The following CDH20 variants were observed in gnomAD, a reference collection of about 807,000 sequenced individuals.
CDH20 encodes the protein cadherin-20.
CDH20 carries 29 observed loss-of-function variants against 74.2 expected under a neutral mutation model. The observed-to-expected ratio is 0.39, with a 90% CI of 0.29 to 0.53. CDH20 has a LOEUF of 0.53. CDH20 is among the 20% of genes least tolerant of loss of function. The pLI, the probability that CDH20 is intolerant of heterozygous loss-of-function variation, is 0.69. For missense variants in CDH20, 988 were observed against 1,048.3 expected (o/e 0.94, Z 0.79); for synonymous variants, 469 against 405.4 (o/e 1.16, Z -1.88).
chr18:61,453,586 C>T (rs1256311295), intron 1 of CDH20, among the ~76,000 whole-genome samples: 1 of 152,154 alleles, frequency 6.6e-6, no homozygotes, highest in Non-Finnish European at 1.5e-5. Context: ...GCCGATCTAA[C>T]CTTTTCATAT....
chr18:61,400,549 C>T (rs1156709367), intron 1 of CDH20, among the ~76,000 whole-genome samples: 6 of 152,168 alleles, frequency 3.9e-5, no homozygotes, highest in South Asian at 2.1e-4. Flanking sequence ...GGAAATCCTG[C>T]TACCACAGTG....
intron 1 of CDH20, among the ~76,000 whole-genome samples, chr18:61,378,975 C>T (rs1191950147): frequency 6.6e-6 from 1 of 151,650 alleles, no homozygotes; most frequent in East Asian, 1.9e-4. Flanking sequence ...GCCTTTTTCT[C>T]CCCTCTCGGT....
chr18:61,555,134 C>T lies in CDH20; in HGVS notation c.*439C>T, dbSNP rs897829762. On this transcript the variant is annotated 3_prime_UTR_variant, in exon 12 of 12. Coordinates refer to ENST00000262717, the MANE Select transcript of CDH20 (RefSeq NM_031891.4). ...TCTTATTCTCCATTTAAGAGTTTTG[C>T]TGGCTCAAACCACAGAAACCAACCC... 13 of 996,360 alleles carry T rather than the reference C, an allele frequency of 1.3e-5. No individual in the cohort carries two copies. The highest frequency in any genetic ancestry group is 1.1e-4 in the Admixed American group (2 of 17,536). The allele number at this position is 996,360 out of a possible 1,614,324, so 61.7% of individuals were successfully genotyped here.
chr18:61,427,944 T>C (rs1599077933), intron 1 of CDH20, among the ~76,000 whole-genome samples: 1 of 152,210 alleles, frequency 6.6e-6, no homozygotes, highest in South Asian at 2.1e-4. Context: ...TACAAGCATT[T>C]GCTGAGCACA....
chr18:61,545,770 A>G (rs2077139), intron 10 of CDH20, among the ~76,000 whole-genome samples: 3,770 of 152,348 alleles, frequency 0.025, 165 homozygotes, highest in African/African-American at 0.086. Context: ...GAGCAAATAC[A>G]GGACCATAAA....
rs1000673860 is a variant in CDH20, at chr18:61,353,165, G to A, written c.-153+19338G>A. ...GTCTGATACATCAGTTTCTAACTTA[G>A]AAACATTCATTTAATTGTCTACATA... is the stretch of plus-strand genomic sequence containing the variant. On this transcript the variant is annotated intron_variant, in intron 1 of 11. Coordinates refer to ENST00000262717, the MANE Select transcript of CDH20 (RefSeq NM_031891.4). The surrounding 1 kb of genome is among the most constrained non-coding windows in gnomAD (Gnocchi z 4.6). Among the ~76,000 whole-genome samples the A allele has an allele frequency of 6.6e-6, 1 of 152,158 alleles. No homozygotes were observed. The highest frequency in any genetic ancestry group is 2.4e-5 in the African/African-American group (1 of 41,438).
intron 1 of CDH20, among the ~76,000 whole-genome samples, chr18:61,366,178 A>G (rs1454754515): frequency 6.6e-6 from 1 of 152,150 alleles, no homozygotes; most frequent in Non-Finnish European, 1.5e-5. Context: ...CTTATCCTAC[A>G]TATTATTCAT....
intron 1 of CDH20, among the ~76,000 whole-genome samples, chr18:61,428,273 T>C (rs1913139574): frequency 6.6e-6 from 1 of 152,188 alleles, no homozygotes; most frequent in Non-Finnish European, 1.5e-5. Context: ...CCTCGGGCTC[T>C]GTTTTTACCC....
intron 1 of CDH20, among the ~76,000 whole-genome samples, chr18:61,473,764 A>T (rs1356403706): frequency 6.6e-6 from 1 of 152,182 alleles, no homozygotes; most frequent in African/African-American, 2.4e-5. Context: ...TGATTTTTCC[A>T]GGCAGCAGAG....
At chr18:61,414,390 C>T (rs535210154) in intron 1 of CDH20, among the ~76,000 whole-genome samples, 2 of 152,268 alleles carry the variant, frequency 1.3e-5, no homozygotes, top group East Asian at 1.9e-4. Context: ...TCCTATGACC[C>T]TCACATTGTG....
chr18:61,414,684 C>A (rs1912627084), intron 1 of CDH20, among the ~76,000 whole-genome samples: 1 of 151,892 alleles, frequency 6.6e-6, no homozygotes, highest in African/African-American at 2.4e-5. Flanking sequence ...TGGGACAAAT[C>A]TTCAATGAAA....
At chr18:61,534,540 C>T (rs374383622) in intron 7 of CDH20, among the ~76,000 whole-genome samples, 2 of 152,088 alleles carry the variant, frequency 1.3e-5, no homozygotes, top group Admixed American at 6.6e-5. Context: ...ATGGAATATT[C>T]GTTTCAGCCT....
intron 4 of CDH20, among the ~76,000 whole-genome samples, chr18:61,501,087 GT>G: frequency 6.6e-6 from 1 of 152,328 alleles, no homozygotes; most frequent in Non-Finnish European, 1.5e-5. Context: ...GGGCAGACAG[GT>G]TTTGATGAGG....
chr18:61,347,287 A>AATATATATATAT (rs758677743), intron 1 of CDH20, among the ~76,000 whole-genome samples: 177 of 86,326 alleles, frequency 2.1e-3, no homozygotes, highest in African/African-American at 3.3e-3. Context: ...TGTCTCTGCT[A>AATATATATATAT]ATATATATAT....
chr18:61,545,129 A>G lies in CDH20; in HGVS notation c.1633A>G (p.Ile545Val). The change falls in exon 10 of 12, where the codon ATA (isoleucine) becomes GTA (valine). Residue 545 changes from isoleucine to valine, a missense_variant. Ile to Val is a conservative substitution (Grantham distance 29, BLOSUM62 3). Around this residue, in one of 2 missense-constraint regions of CDH20, gnomAD observed 613 missense variants for 755.2 expected, o/e 0.81. Coordinates refer to ENST00000262717, the MANE Select transcript of CDH20 (RefSeq NM_031891.4). Reference sequence around the variant, plus strand: ...GGCTGCTAACAACCCCAACTTTACCATAAGGGACAACCAAGGTAATCAGGT... The same window carrying G: ...GGCTGCTAACAACCCCAACTTTACCGTAAGGGACAACCAAGGTAATCAGGT... ...PEAANNPNFT[I>V]RDNQDNTARI... 6.2e-7 allele frequency: 1 copy of G among 1,609,472 alleles called. No homozygotes were observed. The highest frequency in any genetic ancestry group is 2.2e-5 in the East Asian group (1 of 44,824).
chr18:61,405,053 G>A (rs1912285667), intron 1 of CDH20: 10 of 684,404 alleles, frequency 1.5e-5, no homozygotes, highest in South Asian at 1.4e-4. Flanking sequence ...AAGTTGGACA[G>A]TTGTTACAGA....
Position 61,425,416 on chromosome 18 carries a change from G to T in CDH20, c.-152-64986G>T, listed in dbSNP as rs138217013. ...AAGAAGGGATGTGAGGAACGGCTGA[G>T]GGGGCAGAGGCATGAGTAGGGCCCA... On this transcript the variant is annotated intron_variant, in intron 1 of 11. Coordinates refer to ENST00000262717, the MANE Select transcript of CDH20 (RefSeq NM_031891.4). Among the ~76,000 whole-genome samples, 203 of 152,256 alleles carry T rather than the reference G, an allele frequency of 1.3e-3. 1 individual carries two copies. The highest frequency in any genetic ancestry group is 4.7e-3 in the African/African-American group (195 of 41,568).
chr18:61,440,964 T>G (rs1412358657), intron 1 of CDH20, among the ~76,000 whole-genome samples: 1 of 152,042 alleles, frequency 6.6e-6, no homozygotes, highest in Non-Finnish European at 1.5e-5. Context: ...CAGGAAAGGG[T>G]AAGAAATTGC....
At chr18:61,400,389 T>A (rs1236484397) in intron 1 of CDH20, among the ~76,000 whole-genome samples, 1 of 152,218 alleles carries the variant, frequency 6.6e-6, no homozygotes, top group Admixed American at 6.5e-5. Context: ...ACAGTCAATC[T>A]GAAAATTCAT....
Sources: allele counts gnomAD v4.1 joint callset (sites outside exome capture counted in the v4.1 genomes callset), GRCh38; gene constraint gnomAD v4.1.1; regional missense constraint gnomAD v4.1.1; non-coding constraint Gnocchi (gnomAD v3.1); transcripts MANE v1.5; gene names NCBI Gene and HGNC (gene_info 2026-07-23, HGNC 2026-07-21).